The following ACBD6 variants were observed in gnomAD, a reference collection of about 807,000 sequenced individuals.
ACBD6 encodes acyl-CoA binding domain containing 6, also known as acyl-CoA-binding domain-containing protein 6.
In ACBD6, 28 loss-of-function variants were observed where a neutral mutation model predicts 37.2. That is an observed-to-expected ratio of 0.75 (90% CI 0.56 to 1.03). The LOEUF is 1.03. Ranked by LOEUF, ACBD6 falls within the 50% of genes least tolerant of loss-of-function variation. ACBD6 has a pLI of 0.00. For missense variants in ACBD6, 340 were observed against 337.4 expected, an observed-to-expected ratio of 1.01 and a Z score of -0.06; for synonymous variants, 113 against 126.8, an observed-to-expected ratio of 0.89 and a Z score of 0.73.
At chr1:180,493,539 T>G (rs1651609207) in intron 2 of ACBD6, among the ~76,000 whole-genome samples, 1 of 152,206 alleles carries the variant, frequency 6.6e-6, no homozygotes, top group Non-Finnish European at 1.5e-5. Context: ...GCTTCTATGA[T>G]GAATATAATA....
intron 3 of ACBD6, among the ~76,000 whole-genome samples, chr1:180,480,432 G>A (rs1650984451): frequency 6.6e-6 from 1 of 152,124 alleles, no homozygotes; most frequent in African/African-American, 2.4e-5. Flanking sequence ...AAAGATTCAG[G>A]GATCACTGCT....
At chr1:180,420,641 T>C (rs984561885) in intron 4 of ACBD6, among the ~76,000 whole-genome samples, 2 of 152,170 alleles carry the variant, frequency 1.3e-5, no homozygotes, top group African/African-American at 2.4e-5. Context: ...GAAAGAACTT[T>C]AAAAGGCGGT....
intron 7 of ACBD6, among the ~76,000 whole-genome samples, chr1:180,308,421 T>A (rs1650469339): frequency 6.6e-6 from 1 of 152,206 alleles, no homozygotes; most frequent in South Asian, 2.1e-4. Context: ...TGAGGATGTG[T>A]TTCTCAAGGG....
rs570054266 is a variant in ACBD6 at position 180,446,900 on chromosome 1, G to A, written c.385-16638C>T. Among the ~76,000 whole-genome samples, 76 of 152,188 alleles carry A rather than the reference G, an allele frequency of 5.0e-4. No homozygotes were observed. In the South Asian group the frequency reaches 5.2e-3, roughly 10 times the overall value. ...TACTAAAAATACAAAAATTAGCTGGGCATGGTGGTGCATATCTGTAATCCC... is the reference window on the plus strand; with the variant it reads ...TACTAAAAATACAAAAATTAGCTGGACATGGTGGTGCATATCTGTAATCCC... On this transcript the variant is annotated intron_variant, in intron 3 of 7. Transcript: ENST00000367595.
intron 10 of ACBD6, chr1:180,274,505 A>G: frequency 1.9e-6 from 3 of 1,613,288 alleles, no homozygotes; most frequent in East Asian, 4.5e-5. Flanking sequence ...CTCCACAGGA[A>G]GCAGTGTAGG....
chr1:180,465,087 C>A (rs1650296465), intron 3 of ACBD6, among the ~76,000 whole-genome samples: 1 of 152,056 alleles, frequency 6.6e-6, no homozygotes, highest in Non-Finnish European at 1.5e-5. Flanking sequence ...CCCTGGAAGA[C>A]AACCTCGGCA....
intron 6 of ACBD6, among the ~76,000 whole-genome samples, chr1:180,362,870 T>A (rs1652899788): frequency 6.6e-6 from 1 of 152,226 alleles, no homozygotes; most frequent in Admixed American, 6.5e-5. Flanking sequence ...ACAAAGAGCC[T>A]GCCATTGGCT....
chr1:180,359,866 G>C (rs930179811), intron 6 of ACBD6, among the ~76,000 whole-genome samples: 12 of 152,176 alleles, frequency 7.9e-5, no homozygotes, highest in African/African-American at 2.9e-4. Flanking sequence ...CTAGACTCTA[G>C]AGAAGACCAT....
At chr1:180,466,406 G>T (rs1271953951) in intron 3 of ACBD6, among the ~76,000 whole-genome samples, 1 of 152,066 alleles carries the variant, frequency 6.6e-6, no homozygotes, top group Non-Finnish European at 1.5e-5. Context: ...CTAGGTATTA[G>T]GTTACTACAA....
At chr1:180,479,701 G>T (rs942605409) in intron 3 of ACBD6, among the ~76,000 whole-genome samples, 20 of 152,076 alleles carry the variant, frequency 1.3e-4, no homozygotes, top group Non-Finnish European at 2.6e-4. Flanking sequence ...TATATTTGTA[G>T]GAAAATACAA....
chr1:180,328,421 ATT>A (rs60868560), intron 6 of ACBD6, among the ~76,000 whole-genome samples: 1 of 146,402 alleles, frequency 6.8e-6, no homozygotes, highest in Non-Finnish European at 1.5e-5. Flanking sequence ...GTGTAACTGG[ATT>A]TTTTTTTTTT....
At chr1:180,451,801 G>A (rs1012989973) in intron 3 of ACBD6, among the ~76,000 whole-genome samples, 3 of 152,134 alleles carry the variant, frequency 2.0e-5, no homozygotes, top group African/African-American at 7.2e-5. Flanking sequence ...TTGTAATGAT[G>A]GTTGTACAAC....
intron 6 of ACBD6, among the ~76,000 whole-genome samples, chr1:180,343,891 A>G (rs1652076680): frequency 6.6e-6 from 1 of 152,156 alleles, no homozygotes; most frequent in Admixed American, 6.5e-5. Context: ...TGACAGAAAG[A>G]CACCCTATCT....
In ACBD6 at chr1:180,325,843, C is replaced by T. The variant is rs148354147; in HGVS notation, c.664-11121G>A. On this transcript the variant is annotated intron_variant, in intron 6 of 7. Coordinates refer to ENST00000367595, the MANE Select transcript of ACBD6 (RefSeq NM_032360.4). ...AATTATCTGGATTATCAGACAGAGACTCTTGTTCTCTTCCCTTATTTTCTC... is the reference window on the plus strand; with the variant it reads ...AATTATCTGGATTATCAGACAGAGATTCTTGTTCTCTTCCCTTATTTTCTC... 3.6e-3 allele frequency among the ~76,000 whole-genome samples: 551 copies of T among 152,324 alleles called. 1 individual carries two copies. Among genetic ancestry groups the T allele is most frequent in the African/African-American group, 0.013 (521 of 41,572 alleles).
chr1:180,355,179 C>T (rs1436491011), intron 6 of ACBD6, among the ~76,000 whole-genome samples: 1 of 152,190 alleles, frequency 6.6e-6, no homozygotes, highest in Admixed American at 6.5e-5. Flanking sequence ...TAAGTTATCT[C>T]ATTTCACAAA....
At chr1:180,417,223 T>A (rs1648135781) in intron 4 of ACBD6, among the ~76,000 whole-genome samples, 1 of 152,222 alleles carries the variant, frequency 6.6e-6, no homozygotes, top group Admixed American at 6.5e-5. Flanking sequence ...TATTCTTTAC[T>A]AAACTGATCT....
intron 5 of ACBD6, among the ~76,000 whole-genome samples, chr1:180,406,021 A>T (rs1019753814): frequency 5.3e-5 from 8 of 152,282 alleles, no homozygotes; most frequent in East Asian, 3.9e-4. Flanking sequence ...TTAATTTTTT[A>T]AAAAAGTACA....
chr1:180,437,583 C>T (rs1412589157), intron 3 of ACBD6, among the ~76,000 whole-genome samples: 2 of 152,118 alleles, frequency 1.3e-5, no homozygotes, highest in Middle Eastern at 3.2e-3. Flanking sequence ...TATCTGTTCA[C>T]AGACAACAAG....
rs1012458347 is a variant in ACBD6, at chr1:180,391,433, A to G, written c.663+6083T>C. ...GAAACGAGACTTGTATCCAAAACAT[A>G]TAACTCTTATAACTCAATAATAAAG... On this transcript the variant is annotated intron_variant, in intron 6 of 7. Transcript: ENST00000367595. 3.9e-5 allele frequency among the ~76,000 whole-genome samples: 6 copies of G among 152,236 alleles called. No individual in the cohort carries two copies. In the East Asian group the frequency reaches 5.8e-4, roughly 15 times the overall value.
Sources: allele counts gnomAD v4.1 joint callset (sites outside exome capture counted in the v4.1 genomes callset), GRCh38; gene constraint gnomAD v4.1.1; transcripts MANE v1.5; gene names NCBI Gene and HGNC (gene_info 2026-07-23, HGNC 2026-07-21).